TDRD3: variants seen among roughly 807,000 people sequenced by gnomAD.
The protein encoded by TDRD3 is tudor domain containing 3, also known as tudor domain-containing protein 3.
In TDRD3, 45 loss-of-function variants were observed where a neutral mutation model predicts 86.7. That is an observed-to-expected ratio of 0.52 (90% CI 0.41 to 0.67). TDRD3 has a LOEUF of 0.67. Ranked by LOEUF, TDRD3 falls within the 30% of genes least tolerant of loss-of-function variation. The pLI, the probability that TDRD3 is intolerant of heterozygous loss-of-function variation, is 0.00. For missense variants in TDRD3, 814 were observed against 889.0 expected (o/e 0.92, Z 1.07); for synonymous variants, 298 against 301.7 (o/e 0.99, Z 0.13).
intron 10 of TDRD3, among the ~76,000 whole-genome samples, chr13:60,523,370 T>G (rs1321879514): frequency 6.6e-6 from 1 of 152,120 alleles, no homozygotes; most frequent in Non-Finnish European, 1.5e-5. Flanking sequence ...CAAATCATGG[T>G]GATGTAAAAC....
chr13:60,557,206 CAAAAAAAAAA>C (rs138618410), intron 12 of TDRD3, among the ~76,000 whole-genome samples: 3 of 117,776 alleles, frequency 2.5e-5, no homozygotes, highest in African/African-American at 7.0e-5. Flanking sequence ...AACTCTGTCT[CAAAAAAAAAA>C]AAAAAAAAAA....
At chr13:60,521,216 A>G (rs949408861) in intron 10 of TDRD3, among the ~76,000 whole-genome samples, 1 of 152,194 alleles carries the variant, frequency 6.6e-6, no homozygotes, top group Non-Finnish European at 1.5e-5. Context: ...TATATTTTCT[A>G]TTTCAATCTT....
intron 8 of TDRD3, among the ~76,000 whole-genome samples, chr13:60,499,106 C>A (rs1310173635): frequency 6.6e-6 from 1 of 152,130 alleles, no homozygotes; most frequent in East Asian, 1.9e-4. Flanking sequence ...CTGCCTCTAC[C>A]TAGAAAAATA....
chr13:60,536,674 T>C (rs1266278281), intron 12 of TDRD3: 1 of 152,144 alleles, frequency 6.6e-6, no homozygotes, highest in Non-Finnish European at 1.5e-5. Context: ...TGTTATTTAC[T>C]TCTTACTTTT....
At chr13:60,408,071 C>G (rs1385336906) in intron 1 of TDRD3, among the ~76,000 whole-genome samples, 1 of 152,102 alleles carries the variant, frequency 6.6e-6, no homozygotes, top group Non-Finnish European at 1.5e-5. Flanking sequence ...ATTCTGAGGC[C>G]TCCCCACCCG....
chr13:60,531,613 C>T (rs1324319235), intron 11 of TDRD3, among the ~76,000 whole-genome samples: 1 of 152,020 alleles, frequency 6.6e-6, no homozygotes, highest in African/African-American at 2.4e-5. Context: ...CATTGAAATC[C>T]CACAAAGATC....
intron 12 of TDRD3, among the ~76,000 whole-genome samples, chr13:60,554,913 A>G (rs17189720): frequency 6.6e-6 from 1 of 152,120 alleles, no homozygotes; most frequent in Admixed American, 6.5e-5. Flanking sequence ...AATACGGTTT[A>G]TGAATTTCAA....
chr13:60,510,813 T>C, intron 10 of TDRD3, 58 bp downstream of exon 10: 1 of 1,454,026 alleles, frequency 6.9e-7, no homozygotes, highest in Non-Finnish European at 9.1e-7. Flanking sequence ...TTTTTTTTTT[T>C]TTTTAGCGTA....
At chr13:60,448,853 AAAGTT>A (rs1337642162) in intron 3 of TDRD3, among the ~76,000 whole-genome samples, 1 of 152,160 alleles carries the variant, frequency 6.6e-6, no homozygotes, top group Non-Finnish European at 1.5e-5. Flanking sequence ...CCTAGGCGTA[AAAGTT>A]AATTATAAAA....
At chr13:60,432,619 G>C (rs552638994) in intron 1 of TDRD3, among the ~76,000 whole-genome samples, 1 of 152,264 alleles carries the variant, frequency 6.6e-6, no homozygotes, top group East Asian at 1.9e-4. Flanking sequence ...TTTAGGCAGA[G>C]TGAACAGAGA....
At chr13:60,482,935 A>G (rs1047458301) in intron 5 of TDRD3, among the ~76,000 whole-genome samples, 1 of 152,006 alleles carries the variant, frequency 6.6e-6, no homozygotes, top group African/African-American at 2.4e-5. Flanking sequence ...TAAAGTTGAG[A>G]TGTATTAAGT....
intron 4 of TDRD3, among the ~76,000 whole-genome samples, chr13:60,466,779 C>T (rs536774590): frequency 2.7e-5 from 4 of 149,630 alleles, no homozygotes; most frequent in African/African-American, 4.9e-5. Flanking sequence ...GCTTGGGTGA[C>T]GGAGGCTCTG....
At chr13:60,489,924 T>C (rs1956544190) in intron 7 of TDRD3, among the ~76,000 whole-genome samples, 1 of 152,154 alleles carries the variant, frequency 6.6e-6, no homozygotes, top group South Asian at 2.1e-4. Context: ...CTACCAAGGA[T>C]TTTGTTGGAT....
intron 11 of TDRD3, among the ~76,000 whole-genome samples, chr13:60,531,715 C>A (rs1957585956): frequency 6.6e-6 from 1 of 152,136 alleles, no homozygotes; most frequent in East Asian, 1.9e-4. Context: ...TGCTTATATT[C>A]TCTCTGCCAG....
chr13:60,474,195 C>G (rs999823807), intron 5 of TDRD3, among the ~76,000 whole-genome samples: 3 of 152,188 alleles, frequency 2.0e-5, no homozygotes, highest in African/African-American at 7.2e-5. Context: ...TCTCTCTCTC[C>G]GCCTTGGCTG....
chr13:60,493,871 AG>A (rs1203486968), intron 7 of TDRD3, among the ~76,000 whole-genome samples: 7 of 152,248 alleles, frequency 4.6e-5, no homozygotes, highest in Non-Finnish European at 1.5e-5. Flanking sequence ...TATTCAAAAA[AG>A]ACAGGCCAAA....
intron 8 of TDRD3, among the ~76,000 whole-genome samples, chr13:60,495,869 C>A (rs1017450662): frequency 6.6e-6 from 1 of 152,066 alleles, no homozygotes; most frequent in African/African-American, 2.4e-5. Flanking sequence ...CTTGTAGCCT[C>A]CAGCTGCATA....
At chr13:60,476,632 C>T (rs1352382421) in intron 5 of TDRD3, among the ~76,000 whole-genome samples, 1 of 152,028 alleles carries the variant, frequency 6.6e-6, no homozygotes, top group Admixed American at 6.6e-5. Context: ...TGTTGAATCT[C>T]TAAATGGCTT....
intron 11 of TDRD3, 51 bp downstream of exon 11, chr13:60,529,268 C>G: frequency 2.0e-6 from 3 of 1,500,920 alleles, no homozygotes; most frequent in Non-Finnish European, 2.7e-6. Flanking sequence ...ATGTAACATT[C>G]TAGTGGGACT....
Sources: gnomAD v4.1 joint callset for allele counts (sites outside exome capture counted in the v4.1 genomes callset) on GRCh38, gnomAD v4.1.1 for gene constraint, MANE v1.5 for transcripts, NCBI Gene and HGNC (gene_info 2026-07-23, HGNC 2026-07-21) for gene names.